CDK6: variants seen among roughly 807,000 people sequenced by gnomAD.
CDK6 encodes cyclin dependent kinase 6, also known as cyclin-dependent kinase 6.
A neutral mutation model predicts 37.1 loss-of-function variants in CDK6; 6 were observed. The ratio of observed to expected loss-of-function variants is 0.16; its 90% CI spans 0.09 to 0.32. The LOEUF (loss-of-function observed/expected upper bound fraction) is 0.32. Among genes scored for constraint, CDK6 ranks in the 10% least tolerant of loss-of-function variants. The pLI, the probability that CDK6 is intolerant of heterozygous loss-of-function variation, is 1.00. For synonymous variants in CDK6, 160 were observed against 161.3 expected (o/e 0.99, Z 0.06); for missense variants, 224 against 418.9 (o/e 0.53, Z 4.06).
At chr7:92,748,028 T>C (rs1799101179) in intron 3 of CDK6, among the ~76,000 whole-genome samples, 1 of 152,200 alleles carries the variant, frequency 6.6e-6, no homozygotes, top group East Asian at 1.9e-4. Context: ...TAATATACTA[T>C]ATTATTCCCA....
In CDK6 at chr7:92,626,181, C is replaced by T. The variant is rs543871553; in HGVS notation, c.648-3095G>A. Among the ~76,000 whole-genome samples the T allele has an allele frequency of 1.3e-4, 20 of 151,802 alleles. No homozygotes were observed. The South Asian group carries it at 2.9e-3, about 22-fold the overall frequency. On this transcript the variant is annotated intron_variant, in intron 5 of 7. Transcript: ENST00000424848. ...TGACTGATTACCCAGTAAGTACATG[C>T]GGCTGTAATTGGTGCTGGGAAATAC...
intron 5 of CDK6, among the ~76,000 whole-genome samples, chr7:92,664,198 A>G (rs1796904498): frequency 6.8e-6 from 1 of 148,030 alleles, no homozygotes; most frequent in Admixed American, 6.7e-5. Flanking sequence ...TTAAAGGAAG[A>G]AAAAAAAAAC....
At chr7:92,692,171 CAGG>C (rs1398442329) in intron 4 of CDK6, among the ~76,000 whole-genome samples, 1 of 151,870 alleles carries the variant, frequency 6.6e-6, no homozygotes, top group Non-Finnish European at 1.5e-5. Context: ...GAGGCTGAGG[CAGG>C]AGAATTGCTT....
At chr7:92,679,442 A>T (rs1021248716) in intron 4 of CDK6, among the ~76,000 whole-genome samples, 1 of 152,156 alleles carries the variant, frequency 6.6e-6, no homozygotes, top group African/African-American at 2.4e-5. Context: ...CAGTGTGGTG[A>T]TATTCTCCTT....
intron 5 of CDK6, among the ~76,000 whole-genome samples, chr7:92,641,840 T>G (rs1267947550): frequency 6.6e-6 from 1 of 152,190 alleles, no homozygotes; most frequent in African/African-American, 2.4e-5. Flanking sequence ...CATTGCTCTT[T>G]ACTTGACTAA....
At chr7:92,792,186 C>T (rs1800301657) in intron 2 of CDK6, among the ~76,000 whole-genome samples, 1 of 152,106 alleles carries the variant, frequency 6.6e-6, no homozygotes, top group East Asian at 1.9e-4. Context: ...ACCAATACAA[C>T]TAACAAATAT....
At chr7:92,719,854 C>A (rs1211576292) in intron 4 of CDK6, among the ~76,000 whole-genome samples, 1 of 152,126 alleles carries the variant, frequency 6.6e-6, no homozygotes, top group African/African-American at 2.4e-5. Flanking sequence ...TGGGTGTTGG[C>A]AATCACCTGT....
At chr7:92,723,361 TAACATTCCACA>T (rs1798412487) in intron 4 of CDK6, among the ~76,000 whole-genome samples, 1 of 152,204 alleles carries the variant, frequency 6.6e-6, no homozygotes, top group Non-Finnish European at 1.5e-5. Context: ...GTAATTCCTT[TAACATTCCACA>T]AATTAAGTTG....
chr7:92,660,080 TTGA>T (rs1417658304), intron 5 of CDK6, among the ~76,000 whole-genome samples: 1 of 152,050 alleles, frequency 6.6e-6, no homozygotes, highest in Non-Finnish European at 1.5e-5. Context: ...GTTCCAGAGG[TTGA>T]TGGTTTGCCT....
chr7:92,640,953 AG>A (rs1181933916), intron 5 of CDK6, among the ~76,000 whole-genome samples: 4 of 152,218 alleles, frequency 2.6e-5, no homozygotes, highest in Non-Finnish European at 5.9e-5. Flanking sequence ...ACTATGTACC[AG>A]GGAATATTTA....
chr7:92,758,432 C>T (rs938550735), intron 3 of CDK6, among the ~76,000 whole-genome samples: 1 of 152,106 alleles, frequency 6.6e-6, no homozygotes, highest in South Asian at 2.1e-4. Flanking sequence ...TGTGGAAGGG[C>T]AGATGGTCAT....
rs142564161 is a variant in CDK6 at position 92,691,043 on chromosome 7, C to T, written c.538-19508G>A. On this transcript the variant is annotated intron_variant, in intron 4 of 7. Transcript: ENST00000424848. Reference sequence around the variant, plus strand: ...TTATTTACTTTCAATTACTTTTTCACGATAAAAGTAGAGTGCAGAACAAAT... The same window carrying T: ...TTATTTACTTTCAATTACTTTTTCATGATAAAAGTAGAGTGCAGAACAAAT... Among the ~76,000 whole-genome samples the T allele has an allele frequency of 3.6e-3, 554 of 152,234 alleles. 7 individuals are homozygous for T. Among genetic ancestry groups the T allele is most frequent in the African/African-American group, 0.013 (522 of 41,552 alleles).
chr7:92,617,434 C>T (rs1795705771), intron 7 of CDK6, among the ~76,000 whole-genome samples: 1 of 152,182 alleles, frequency 6.6e-6, no homozygotes, highest in African/African-American at 2.4e-5. Flanking sequence ...GTAAAGCAGA[C>T]ACTCATTACT....
intron 5 of CDK6, among the ~76,000 whole-genome samples, chr7:92,625,507 A>G (rs1795905503): frequency 6.6e-6 from 1 of 151,338 alleles, no homozygotes; most frequent in Non-Finnish European, 1.5e-5. Context: ...TGAATTGGCA[A>G]TATCACTTCC....
intron 5 of CDK6, among the ~76,000 whole-genome samples, chr7:92,632,428 A>T (rs1370955623): frequency 6.6e-6 from 1 of 152,194 alleles, no homozygotes; most frequent in Non-Finnish European, 1.5e-5. Flanking sequence ...AAAATAGTCC[A>T]AACACTGAAA....
intron 3 of CDK6, among the ~76,000 whole-genome samples, chr7:92,770,296 T>C (rs1280530982): frequency 3.3e-5 from 5 of 150,446 alleles, no homozygotes; most frequent in East Asian, 3.9e-4. Context: ...CAAGATGAAG[T>C]ATGAATGTGA....
At position 92,779,253 on chromosome 7, in the gene CDK6, G is replaced by T. The variant is rs150531765; in HGVS notation, c.234-4422C>A. Among the ~76,000 whole-genome samples the T allele has an allele frequency of 2.9e-3, 448 of 152,164 alleles. 1 individual carries two copies. The highest frequency in any genetic ancestry group is 0.01 in the African/African-American group (425 of 41,504). ...GCCACCTGCAGCAACTGGACTCCAGGCCTCAGTTTCAATGGATGCTCAAGA... is the reference window on the plus strand; with the variant it reads ...GCCACCTGCAGCAACTGGACTCCAGTCCTCAGTTTCAATGGATGCTCAAGA... On this transcript the variant is annotated intron_variant, in intron 2 of 7. Transcript: ENST00000424848.
At chr7:92,746,124 A>G (rs1407215161) in intron 3 of CDK6, among the ~76,000 whole-genome samples, 2 of 152,312 alleles carry the variant, frequency 1.3e-5, no homozygotes, top group East Asian at 3.9e-4. Flanking sequence ...TAATTGTCAC[A>G]TAGTATTCTA....
intron 2 of CDK6, among the ~76,000 whole-genome samples, chr7:92,824,086 A>G (rs1354781514): frequency 1.3e-5 from 2 of 151,966 alleles, no homozygotes; most frequent in East Asian, 3.9e-4. Context: ...TTTTTTAATC[A>G]TTAGGAACAC....
Sources: gnomAD v4.1 joint callset for allele counts (sites outside exome capture counted in the v4.1 genomes callset) on GRCh38, gnomAD v4.1.1 for gene constraint, MANE v1.5 for transcripts, NCBI Gene and HGNC (gene_info 2026-07-23, HGNC 2026-07-21) for gene names.